The following RAP1GDS1 variants were observed in gnomAD, a reference collection of about 807,000 sequenced individuals.
RAP1GDS1 encodes the protein Rap1 GTPase-GDP dissociation stimulator 1.
Under a neutral mutation model 71.1 loss-of-function variants are expected in RAP1GDS1, and 35 were observed. The ratio of observed to expected loss-of-function variants is 0.49; its 90% CI spans 0.38 to 0.65. The LOEUF (loss-of-function observed/expected upper bound fraction) is 0.65. Ranked by LOEUF, RAP1GDS1 falls within the 30% of genes least tolerant of loss-of-function variation. RAP1GDS1 has a pLI of 0.00. For synonymous variants in RAP1GDS1, 229 were observed against 243.1 expected, an observed-to-expected ratio of 0.94 and a Z score of 0.54; for missense variants, 663 against 706.1, an observed-to-expected ratio of 0.94 and a Z score of 0.69.
chr4:98,305,409 G>C (rs1729173534), intron 2 of RAP1GDS1, among the ~76,000 whole-genome samples: 1 of 152,036 alleles, frequency 6.6e-6, no homozygotes, highest in South Asian at 2.1e-4. Flanking sequence ...CATTATTCTA[G>C]GGTTACATTC....
At chr4:98,285,816 ATAAT>A (rs1261677008) in intron 1 of RAP1GDS1, among the ~76,000 whole-genome samples, 1 of 146,114 alleles carries the variant, frequency 6.8e-6, no homozygotes, top group Non-Finnish European at 1.5e-5. Flanking sequence ...ATTAATATTT[ATAAT>A]AAATAATTAT....
At chr4:98,371,960 A>G (rs1391110743) in intron 4 of RAP1GDS1, among the ~76,000 whole-genome samples, 4 of 152,226 alleles carry the variant, frequency 2.6e-5, no homozygotes, top group East Asian at 1.9e-4. Context: ...CATTTAGATT[A>G]TATGTATTTA....
At chr4:98,385,366 G>C (rs1462730226) in intron 5 of RAP1GDS1, among the ~76,000 whole-genome samples, 1 of 151,700 alleles carries the variant, frequency 6.6e-6, no homozygotes, top group Non-Finnish European at 1.5e-5. Context: ...CATAATCATT[G>C]ATCATGCACA....
intron 6 of RAP1GDS1, chr4:98,396,409 A>G (rs1168403070): frequency 6.6e-6 from 1 of 152,232 alleles, no homozygotes; most frequent in Non-Finnish European, 1.5e-5. Context: ...TCTGGTATAC[A>G]GGGAAAATAA....
chr4:98,416,182 G>A (rs1007406288), intron 7 of RAP1GDS1, among the ~76,000 whole-genome samples: 1 of 152,024 alleles, frequency 6.6e-6, no homozygotes, highest in African/African-American at 2.4e-5. Flanking sequence ...GTATCAATTT[G>A]TTTAGATGCT....
chr4:98,421,075 T>G (rs139067892), intron 11 of RAP1GDS1, among the ~76,000 whole-genome samples, 180 bp from the exon 12 acceptor site: 3 of 152,356 alleles, frequency 2.0e-5, no homozygotes, highest in Non-Finnish European at 4.4e-5. Flanking sequence ...CTATAAAATT[T>G]CACAGTGTTA....
At position 98,416,795 on chromosome 4, in the gene RAP1GDS1, G is replaced by A. The variant is rs1748104454; in HGVS notation, c.814G>A (p.Glu272Lys). 6.2e-7 allele frequency: 1 copy of A among 1,612,264 alleles called. No homozygotes were observed. The highest frequency in any genetic ancestry group is 1.1e-5 in the South Asian group (1 of 91,050). The change falls in exon 8 of 15, where the codon GAG becomes AAG. Residue 272 changes from glutamate (E) to lysine (K), a missense_variant. Physicochemically the swap from Glu to Lys is moderately conservative, Grantham distance 56. Transcript: ENST00000408927. ...VEAGLVECLL[E>K]IVQQKVDSDK... ...AGCAGGCCTAGTAGAGTGTCTACTA[G>A]AGATTGTTCAGCAAAAAGTGGATAG... is the stretch of plus-strand genomic sequence containing the variant.
At chr4:98,405,511 A>G (rs905680473) in intron 7 of RAP1GDS1, among the ~76,000 whole-genome samples, 1 of 152,106 alleles carries the variant, frequency 6.6e-6, no homozygotes, top group Non-Finnish European at 1.5e-5. Flanking sequence ...TTGGAGTCCC[A>G]AAAGGAGAGT....
intron 6 of RAP1GDS1, among the ~76,000 whole-genome samples, chr4:98,392,464 C>T (rs369901386): frequency 1.1e-4 from 16 of 152,312 alleles, no homozygotes; most frequent in East Asian, 7.7e-4. Flanking sequence ...CCTGTGGTTC[C>T]AGCACTTCGG....
chr4:98,298,078 A>G (rs1332064012), intron 2 of RAP1GDS1, among the ~76,000 whole-genome samples: 8 of 152,214 alleles, frequency 5.3e-5, no homozygotes, highest in Non-Finnish European at 2.9e-5. Flanking sequence ...GTCCTAATCC[A>G]GAGCAGGGCT....
chr4:98,371,400 T>C (rs893030209), intron 4 of RAP1GDS1, among the ~76,000 whole-genome samples: 3 of 151,900 alleles, frequency 2.0e-5, no homozygotes, highest in Non-Finnish European at 4.4e-5. Flanking sequence ...AGGTGTAGGA[T>C]TGTTGTATCT....
intron 3 of RAP1GDS1, among the ~76,000 whole-genome samples, chr4:98,347,468 T>C (rs908016944): frequency 3.3e-5 from 5 of 152,224 alleles, no homozygotes; most frequent in Admixed American, 1.3e-4. Context: ...GAGCAGTACC[T>C]ATTCCTTAAA....
intron 4 of RAP1GDS1, among the ~76,000 whole-genome samples, chr4:98,372,453 C>T (rs1032303017): frequency 6.6e-6 from 1 of 152,094 alleles, no homozygotes; most frequent in Non-Finnish European, 1.5e-5. Flanking sequence ...AGACATGAGC[C>T]CTCGTGCCCA....
chr4:98,429,183 G>A (rs1299036802), intron 12 of RAP1GDS1, among the ~76,000 whole-genome samples: 3 of 151,832 alleles, frequency 2.0e-5, no homozygotes, highest in South Asian at 2.1e-4. Flanking sequence ...GCGTGAACCC[G>A]GGAGGTGGAG....
At position 98,404,573 on chromosome 4, in the gene RAP1GDS1, T is replaced by C. The variant is rs1430588721; in HGVS notation, c.734T>C (p.Phe245Ser). The C allele has an allele frequency of 6.2e-7, 1 of 1,604,124 alleles. No homozygotes were observed. Among genetic ancestry groups the C allele is most frequent in the Non-Finnish European group, 8.5e-7 (1 of 1,176,446 alleles). Reference protein sequence around the residue: ...QIEHDKREMIFEVLAPLAEND... With the variant: ...QIEHDKREMISEVLAPLAEND... Reference sequence around the variant, plus strand: ...GAACATGATAAGAGAGAAATGATTTTTGAAGTTCTTGCTCCATTGGCAGAA... The same window carrying C: ...GAACATGATAAGAGAGAAATGATTTCTGAAGTTCTTGCTCCATTGGCAGAA... Residue 245 changes from phenylalanine to serine, a missense_variant, in exon 7 of 15, where the codon TTT becomes TCT. Coordinates refer to ENST00000408927, the MANE Select transcript of RAP1GDS1 (RefSeq NM_001100427.2).
rs575427967 is a variant in RAP1GDS1, at chr4:98,339,062, G to A, written c.113-4077G>A. Among the ~76,000 whole-genome samples the A allele has an allele frequency of 3.3e-5, 5 of 152,242 alleles. No homozygotes were observed. In the East Asian group the frequency reaches 5.8e-4, roughly 18 times the overall value. ...TTGACCTTGACGATTTGTGTGAGTT[G>A]TGCTTTAAACTCTGCTCATATGACA... On this transcript the variant is annotated intron_variant, in intron 2 of 14. Coordinates refer to ENST00000408927, the MANE Select transcript of RAP1GDS1 (RefSeq NM_001100427.2).
chr4:98,283,042 A>G (rs1031720771), intron 1 of RAP1GDS1, among the ~76,000 whole-genome samples: 3 of 152,130 alleles, frequency 2.0e-5, no homozygotes, highest in Non-Finnish European at 4.4e-5. Context: ...TGCCTTTAAA[A>G]CGGTGAGAAA....
intron 2 of RAP1GDS1, among the ~76,000 whole-genome samples, chr4:98,314,122 A>G (rs1730635792): frequency 6.6e-6 from 1 of 152,172 alleles, no homozygotes. Context: ...TAACTTAGTT[A>G]TGGATTGATC....
chr4:98,314,148 T>C (rs1730638697), intron 2 of RAP1GDS1, among the ~76,000 whole-genome samples: 1 of 152,200 alleles, frequency 6.6e-6, no homozygotes, highest in Non-Finnish European at 1.5e-5. Context: ...TTCATTCTGA[T>C]GTGTGCATGT....
Sources: allele counts gnomAD v4.1 joint callset (sites outside exome capture counted in the v4.1 genomes callset), GRCh38; gene constraint gnomAD v4.1.1; transcripts MANE v1.5; gene names NCBI Gene and HGNC (gene_info 2026-07-23, HGNC 2026-07-21).